CTNND2: variants seen among roughly 807,000 people sequenced by gnomAD.
CTNND2 encodes the protein catenin delta 2.
CTNND2 carries 22 observed loss-of-function variants against 144.4 expected under a neutral mutation model. That is an observed-to-expected ratio of 0.15 (90% confidence interval 0.11 to 0.22). The LOEUF is 0.22. CTNND2 is among the 10% of genes least tolerant of loss of function. The probability of loss-of-function intolerance (pLI) is 1.00; values close to 1 mark genes in which losing one functional copy is unlikely to be tolerated. For missense variants in CTNND2, 1,353 were observed against 1,618.8 expected (o/e 0.84, Z 2.82); for synonymous variants, 751 against 695.6 (o/e 1.08, Z -1.25).
chr5:11,353,280 G>A (rs899937946), intron 8 of CTNND2, among the ~76,000 whole-genome samples: 2 of 152,104 alleles, frequency 1.3e-5, no homozygotes, highest in African/African-American at 4.8e-5. Flanking sequence ...AGCAGTGACA[G>A]GACGGTGGGC....
intron 3 of CTNND2, among the ~76,000 whole-genome samples, chr5:11,514,251 T>A (rs982636352): frequency 6.6e-6 from 1 of 151,986 alleles, no homozygotes; most frequent in African/African-American, 2.4e-5. Context: ...AATATACACA[T>A]ATATATATAA....
At chr5:11,811,619 C>T (rs958043574) in intron 1 of CTNND2, among the ~76,000 whole-genome samples, 1 of 152,114 alleles carries the variant, frequency 6.6e-6, no homozygotes, top group Non-Finnish European at 1.5e-5. Flanking sequence ...TTTTATATTA[C>T]TCATTGCTTA....
chr5:11,767,172 G>GTTT (rs1472615482), intron 1 of CTNND2, among the ~76,000 whole-genome samples: 1 of 152,222 alleles, frequency 6.6e-6, no homozygotes, highest in Non-Finnish European at 1.5e-5. Flanking sequence ...CTAAGCACAT[G>GTTT]TGAGGGGCAC....
chr5:11,687,740 G>C (rs1215614869), intron 2 of CTNND2, among the ~76,000 whole-genome samples: 1 of 152,182 alleles, frequency 6.6e-6, no homozygotes, highest in African/African-American at 2.4e-5. Flanking sequence ...TGTTCTAGTG[G>C]AGACAGACAC....
At chr5:11,605,732 T>C (rs1780010107) in intron 2 of CTNND2, among the ~76,000 whole-genome samples, 1 of 152,054 alleles carries the variant, frequency 6.6e-6, no homozygotes, top group Admixed American at 6.6e-5. Flanking sequence ...GCAGGAACGG[T>C]GGTCACTGGA....
chr5:11,386,679 T>A (rs1759120423), intron 6 of CTNND2, among the ~76,000 whole-genome samples: 1 of 152,196 alleles, frequency 6.6e-6, no homozygotes, highest in South Asian at 2.1e-4. Flanking sequence ...ACACATGCAA[T>A]CCATAAAGCA....
intron 1 of CTNND2, among the ~76,000 whole-genome samples, chr5:11,870,150 G>T (rs928728135): frequency 1.3e-5 from 2 of 152,142 alleles, no homozygotes; most frequent in African/African-American, 4.8e-5. Context: ...TTGGGTCCAC[G>T]GAAAGCCTCT....
chr5:11,533,318 A>G (rs374138378), intron 3 of CTNND2, among the ~76,000 whole-genome samples: 109 of 152,344 alleles, frequency 7.2e-4, no homozygotes, highest in African/African-American at 2.4e-3. Context: ...CAGCCCTTTA[A>G]TGTAAATTAT....
chr5:11,457,918 G>A (rs1765874302), intron 3 of CTNND2, among the ~76,000 whole-genome samples: 2 of 152,108 alleles, frequency 1.3e-5, no homozygotes, highest in Non-Finnish European at 1.5e-5. Context: ...TGGCTGATGA[G>A]ACGCAAGACA....
intron 1 of CTNND2, among the ~76,000 whole-genome samples, chr5:11,899,637 T>C (rs148811392): frequency 4.6e-4 from 70 of 152,316 alleles, no homozygotes; most frequent in African/African-American, 1.5e-3. Context: ...GTATAAAACA[T>C]TAGTACCTGT....
intron 9 of CTNND2, among the ~76,000 whole-genome samples, chr5:11,294,683 C>A (rs1016364755): frequency 6.6e-6 from 1 of 152,090 alleles, no homozygotes; most frequent in Non-Finnish European, 1.5e-5. Context: ...TCAACATACG[C>A]AAATCAATAA....
intron 2 of CTNND2, among the ~76,000 whole-genome samples, chr5:11,690,821 T>C (rs1784876596): frequency 6.6e-6 from 1 of 150,604 alleles, no homozygotes; most frequent in African/African-American, 2.4e-5. Flanking sequence ...ACAAAAAACT[T>C]GATTGCTTAT....
intron 3 of CTNND2, among the ~76,000 whole-genome samples, chr5:11,508,937 AAC>A (rs912605199): frequency 2.0e-5 from 3 of 152,176 alleles, no homozygotes; most frequent in African/African-American, 4.8e-5. Context: ...CCCAGGATAC[AAC>A]ACAGTTTTCA....
chr5:11,570,484 C>G (rs1382093364), intron 2 of CTNND2, among the ~76,000 whole-genome samples: 6 of 152,144 alleles, frequency 3.9e-5, no homozygotes, highest in Non-Finnish European at 7.4e-5. Context: ...TACTCTCACA[C>G]TTAGTGAATA....
chr5:11,863,079 T>G (rs748072265), intron 1 of CTNND2, among the ~76,000 whole-genome samples: 1 of 152,186 alleles, frequency 6.6e-6, no homozygotes, highest in Non-Finnish European at 1.5e-5. Flanking sequence ...TTCTCGTATT[T>G]CATTTAACCT....
chr5:11,882,165 C>A (rs1262302640), intron 1 of CTNND2, among the ~76,000 whole-genome samples: 2 of 151,996 alleles, frequency 1.3e-5, no homozygotes, highest in Admixed American at 1.3e-4. Flanking sequence ...ATTCTGTATA[C>A]TGTCTCTTCA....
intron 20 of CTNND2, among the ~76,000 whole-genome samples, chr5:10,985,551 T>C (rs888623148): frequency 6.6e-6 from 1 of 152,210 alleles, no homozygotes; most frequent in Admixed American, 6.5e-5. Context: ...CCAGCCCTCA[T>C]AGGCTGCATT....
At chr5:11,068,785 C>T (rs1962798) in intron 16 of CTNND2, among the ~76,000 whole-genome samples, 69,517 of 151,970 alleles carry the variant, frequency 0.46, 18,108 homozygotes, top group East Asian at 0.82. Flanking sequence ...GGCGTGGTGG[C>T]GGGCGCCTGT....
At chr5:11,616,654 C>T (rs139370532) in intron 2 of CTNND2, among the ~76,000 whole-genome samples, 2 of 150,816 alleles carry the variant, frequency 1.3e-5, no homozygotes, top group Admixed American at 6.6e-5. Flanking sequence ...GTCATCCAGG[C>T]TGGAGTGAGT....
Sources: allele counts gnomAD v4.1 joint callset (sites outside exome capture counted in the v4.1 genomes callset), GRCh38; gene constraint gnomAD v4.1.1; transcripts MANE v1.5; gene names NCBI Gene and HGNC (gene_info 2026-07-23, HGNC 2026-07-21).